Variants in PCSK6 observed in about 807,000 individuals in gnomAD.
The protein encoded by PCSK6 is paired basic amino acid cleaving enzyme 4.
Under a neutral mutation model 123.3 loss-of-function variants are expected in PCSK6, and 85 were observed. The observed-to-expected ratio is 0.69, with a 90% CI of 0.58 to 0.83. The LOEUF is 0.83. PCSK6 is among the 40% of genes least tolerant of loss of function. The probability of loss-of-function intolerance (pLI) is 0.00; values close to 1 mark genes in which losing one functional copy is unlikely to be tolerated. For synonymous variants in PCSK6, 508 were observed against 516.0 expected (o/e 0.98, Z 0.21); for missense variants, 1,191 against 1,282.3 (o/e 0.93, Z 1.09).
intron 8 of PCSK6, among the ~76,000 whole-genome samples, chr15:101,390,472 G>A (rs1299596983): frequency 1.3e-5 from 2 of 152,192 alleles, no homozygotes; most frequent in Admixed American, 1.3e-4. Context: ...TAGACCTGCT[G>A]CCACCACAGG....
At chr15:101,457,717 C>T (rs1420780121) in intron 1 of PCSK6, among the ~76,000 whole-genome samples, 1 of 152,140 alleles carries the variant, frequency 6.6e-6, no homozygotes, top group Admixed American at 6.5e-5. Context: ...CAGAGGGGAG[C>T]CGAGGAGCTG....
intron 6 of PCSK6, among the ~76,000 whole-genome samples, chr15:101,403,369 T>C (rs2042663606): frequency 6.7e-6 from 1 of 150,280 alleles, no homozygotes; most frequent in African/African-American, 2.5e-5. Context: ...CATGTACACA[T>C]ATGTAACTAA....
chr15:101,422,361 G>T (rs1398920827), intron 6 of PCSK6, among the ~76,000 whole-genome samples: 6 of 152,208 alleles, frequency 3.9e-5, no homozygotes, highest in African/African-American at 1.4e-4. Context: ...GAGGCTGGAG[G>T]AGCTGAGCAG....
chr15:101,365,935 T>G, intron 13 of PCSK6: 1 of 283,918 alleles, frequency 3.5e-6, no homozygotes. Flanking sequence ...GGCTGCTTCA[T>G]GGGTATGGGG....
At chr15:101,487,988 ATGTGC>A (rs2058058832) in intron 1 of PCSK6, among the ~76,000 whole-genome samples, 1 of 152,174 alleles carries the variant, frequency 6.6e-6, no homozygotes. Context: ...GTCTCCAAAG[ATGTGC>A]TAGCATTCTT....
intron 6 of PCSK6, among the ~76,000 whole-genome samples, chr15:101,410,856 C>T (rs938858814): frequency 3.0e-4 from 46 of 152,196 alleles, no homozygotes; most frequent in Admixed American, 2.4e-3. Context: ...TGGTGGGAAA[C>T]GGCCATGATC....
At chr15:101,416,487 A>G (rs1047940737) in intron 6 of PCSK6, among the ~76,000 whole-genome samples, 6 of 152,274 alleles carry the variant, frequency 3.9e-5, no homozygotes, top group African/African-American at 1.4e-4. Flanking sequence ...TTTTCTGAGG[A>G]GAAATTCAAG....
chr15:101,359,513 G>A (rs1432356835), intron 13 of PCSK6, among the ~76,000 whole-genome samples: 1 of 152,210 alleles, frequency 6.6e-6, no homozygotes, highest in African/African-American at 2.4e-5. Context: ...AACACCTATT[G>A]GGCACCTATC....
At chr15:101,426,694 G>A (rs1028824057) in intron 6 of PCSK6, among the ~76,000 whole-genome samples, 1 of 152,276 alleles carries the variant, frequency 6.6e-6, no homozygotes, top group South Asian at 2.1e-4. Flanking sequence ...CCAGGGAACC[G>A]TGGCCCAACC....
intron 1 of PCSK6, among the ~76,000 whole-genome samples, chr15:101,453,921 TGTG>T (rs1446932270): frequency 7.9e-5 from 12 of 152,192 alleles, no homozygotes; most frequent in Admixed American, 5.9e-4. Flanking sequence ...CACCAAAGGC[TGTG>T]CACAGCACAC....
intron 1 of PCSK6, among the ~76,000 whole-genome samples, chr15:101,471,740 T>C (rs929179893): frequency 6.6e-6 from 1 of 152,212 alleles, no homozygotes; most frequent in Non-Finnish European, 1.5e-5. Context: ...CCTACTGAGA[T>C]TCAGAAGACA....
chr15:101,409,308 A>G (rs1205633775), intron 6 of PCSK6, among the ~76,000 whole-genome samples: 4 of 135,936 alleles, frequency 2.9e-5, no homozygotes, highest in African/African-American at 8.3e-5. Context: ...ATACAAGGCC[A>G]GGCGCAGTGG....
intron 2 of PCSK6, among the ~76,000 whole-genome samples, chr15:101,440,463 T>C (rs2056727193): frequency 6.6e-6 from 1 of 152,228 alleles, no homozygotes; most frequent in South Asian, 2.1e-4. Flanking sequence ...CAAATGTACA[T>C]TCTATCTGCT....
chr15:101,365,101 A>G lies in PCSK6; in HGVS notation c.1858+1095T>C, dbSNP rs74874295. 2.5e-3 allele frequency: 1,759 copies of G among 712,834 alleles called. 24 individuals are homozygous for G. The African/African-American group carries it at 0.026, about 11-fold the overall frequency. The allele number at this position is 712,834 out of a possible 1,614,324, so 44.2% of individuals were successfully genotyped here. On this transcript the variant is annotated intron_variant, in intron 13 of 21. Transcript: ENST00000611716. ...TGGTGCTGGAACAAATGGGTACAAA[A>G]GAATGAGTTTGGACCCCTACCTCAC...
At chr15:101,367,901 T>G (rs2041449702) in intron 12 of PCSK6, among the ~76,000 whole-genome samples, 1 of 152,222 alleles carries the variant, frequency 6.6e-6, no homozygotes, top group Admixed American at 6.5e-5. Context: ...CTCAGCTCAC[T>G]GCAACCTCCG....
rs141658775 is a variant in PCSK6 at position 101,457,399 on chromosome 15, T to G, written c.298-13739A>C. On this transcript the variant is annotated intron_variant, in intron 1 of 21. Transcript: ENST00000611716. ...GGTTTCTAGGGGGATAAATGAGGCG[T>G]GATGCATATGGAATGCTCGGCTCAC... Among the ~76,000 whole-genome samples the G allele has an allele frequency of 8.3e-3, 1,267 of 152,256 alleles. 17 individuals carry two copies. Among genetic ancestry groups the G allele is most frequent in the African/African-American group, 0.028 (1,155 of 41,554 alleles).
chr15:101,356,475 C>A (rs1369728830), intron 13 of PCSK6, among the ~76,000 whole-genome samples: 3 of 116,974 alleles, frequency 2.6e-5, no homozygotes, highest in Non-Finnish European at 4.9e-5. Flanking sequence ...GCCCGGCCAA[C>A]ATGGCAAAAC....
chr15:101,330,072 T>C (rs745403325), intron 15 of PCSK6, among the ~76,000 whole-genome samples: 1 of 152,220 alleles, frequency 6.6e-6, no homozygotes, highest in Non-Finnish European at 1.5e-5. Context: ...ACCTGCACTT[T>C]GGCCACCAGA....
Position 101,356,244 on chromosome 15 carries a change from TGCGTAACG to T in PCSK6, c.1858+9944_1858+9951del, listed in dbSNP as rs570722244. ...TCCGTTCGTAGCCTTGCAGGCTCTG[TGCGTAACG>T]GCTGGAGTAGCAAGCTCACCCACGG... On this transcript the variant is annotated intron_variant, in intron 13 of 21. Coordinates refer to ENST00000611716, the MANE Select transcript of PCSK6 (RefSeq NM_002570.5). 2.7e-3 allele frequency among the ~76,000 whole-genome samples: 406 copies of T among 152,274 alleles called. 2 individuals are homozygous for T. The highest frequency in any genetic ancestry group is 9.4e-3 in the African/African-American group (391 of 41,550).
Sources: gnomAD v4.1 joint callset for allele counts (sites outside exome capture counted in the v4.1 genomes callset) on GRCh38, gnomAD v4.1.1 for gene constraint, MANE v1.5 for transcripts, NCBI Gene and HGNC (gene_info 2026-07-23, HGNC 2026-07-21) for gene names.